Variants in SRD5A2 observed in about 807,000 individuals in gnomAD.
SRD5A2 encodes the protein steroid 5 alpha-reductase 2.
SRD5A2 carries 30 observed loss-of-function variants against 27.4 expected under a neutral mutation model. The ratio of observed to expected loss-of-function variants is 1.10; its 90% CI spans 0.82 to 1.49. SRD5A2 has a LOEUF of 1.49. Ranked by LOEUF, SRD5A2 falls within the 40% of genes most tolerant of loss-of-function variation. SRD5A2 has a pLI of 0.00. For synonymous variants in SRD5A2, 141 were observed against 133.6 expected, an observed-to-expected ratio of 1.06 and a Z score of -0.38; for missense variants, 348 against 323.4, an observed-to-expected ratio of 1.08 and a Z score of -0.58.
intron 1 of SRD5A2, among the ~76,000 whole-genome samples, chr2:31,554,924 CGTGTGTGT>C (rs59697517): frequency 0.03 from 3,910 of 132,176 alleles, 123 homozygotes; most frequent in East Asian, 0.17. Flanking sequence ...CTATCCTGAT[CGTGTGTGT>C]GTGTGTGTGT....
intron 1 of SRD5A2, among the ~76,000 whole-genome samples, chr2:31,560,355 C>T (rs1458677136): frequency 6.6e-6 from 1 of 151,410 alleles, no homozygotes; most frequent in African/African-American, 2.5e-5. Flanking sequence ...CTAAGGGTGT[C>T]TAGAGCTCCC....
At chr2:31,570,668 T>C (rs1666831937) in intron 1 of SRD5A2, among the ~76,000 whole-genome samples, 1 of 152,200 alleles carries the variant, frequency 6.6e-6, no homozygotes, top group South Asian at 2.1e-4. Context: ...GATAAACAAC[T>C]TCAGTAAAGT....
At chr2:31,556,142 G>A (rs757530436) in intron 1 of SRD5A2, among the ~76,000 whole-genome samples, 18 of 152,178 alleles carry the variant, frequency 1.2e-4, no homozygotes, top group Non-Finnish European at 1.6e-4. Context: ...GGTCCTTGCC[G>A]AGAAGTAACT....
the SRD5A2 span, among the ~76,000 whole-genome samples, chr2:31,603,551 C>T: frequency 3.3e-4 from 50 of 151,930 alleles, no homozygotes; most frequent in Non-Finnish European, 1.5e-5. Context: ...GGATATATAT[C>T]CAAAAGAATA....
chr2:31,618,587 T>C, the SRD5A2 span, among the ~76,000 whole-genome samples: 2,833 of 152,106 alleles, frequency 0.019, 57 homozygotes, highest in African/African-American at 0.04. Context: ...GAAAGACATA[T>C]ACTACATGAT....
the SRD5A2 span, among the ~76,000 whole-genome samples, chr2:31,641,337 T>C: frequency 6.6e-6 from 1 of 152,194 alleles, no homozygotes; most frequent in Admixed American, 6.5e-5. Context: ...TGGAGTGACA[T>C]CTTTAAAGTA....
chr2:31,638,639 C>T, the SRD5A2 span, among the ~76,000 whole-genome samples: 3 of 151,918 alleles, frequency 2.0e-5, no homozygotes, highest in Non-Finnish European at 4.4e-5. Context: ...ATTGTTATAT[C>T]CTCTTGCTGT....
At chr2:31,610,683 GA>G in the SRD5A2 span, among the ~76,000 whole-genome samples, 1 of 152,066 alleles carries the variant, frequency 6.6e-6, no homozygotes, top group Non-Finnish European at 1.5e-5. Context: ...CACAGAAAAA[GA>G]AAAAGTAAAA....
upstream of SRD5A2, among the ~76,000 whole-genome samples, chr2:31,585,866 C>G (rs542121114): frequency 1.3e-5 from 2 of 152,190 alleles, no homozygotes; most frequent in South Asian, 4.2e-4. Context: ...GCAGTCACCA[C>G]CAGCTGACTT....
chr2:31,607,197 C>T, the SRD5A2 span, among the ~76,000 whole-genome samples: 30 of 151,942 alleles, frequency 2.0e-4, no homozygotes, highest in Middle Eastern at 6.8e-3. Flanking sequence ...GCTGTAATTA[C>T]TAAAAGGAGA....
the SRD5A2 span, among the ~76,000 whole-genome samples, chr2:31,631,071 C>T: frequency 0.014 from 2,128 of 152,254 alleles, 24 homozygotes; most frequent in Non-Finnish European, 0.021. Flanking sequence ...AGACTTTATC[C>T]CAATCCTGAC....
the SRD5A2 span, among the ~76,000 whole-genome samples, chr2:31,602,582 A>C: frequency 6.6e-5 from 10 of 152,228 alleles, no homozygotes; most frequent in East Asian, 1.9e-3. Flanking sequence ...GGAACCAAAA[A>C]AGAGCCTGAG....
the SRD5A2 span, among the ~76,000 whole-genome samples, chr2:31,591,723 G>A: frequency 7.4e-6 from 1 of 135,618 alleles, no homozygotes; most frequent in Non-Finnish European, 1.6e-5. Context: ...TCAAGAAAAT[G>A]CGGCACATAT....
rs1665705701 is a variant in SRD5A2 at position 31,523,576 on chromosome 2, GA to G, written c.*2619del. 2 of 218,442 alleles carry G rather than the reference GA, an allele frequency of 9.2e-6. No homozygotes were observed. Among genetic ancestry groups the G allele is most frequent in the Non-Finnish European group, 9.2e-6 (1 of 108,642 alleles). The allele number at this position is 218,442 out of a possible 1,614,324, so 13.5% of individuals were successfully genotyped here. A position where few individuals can be genotyped will look rare whatever the true frequency, so the allele number is the denominator to read the frequency against. Reference sequence around the variant, plus strand: ...CTTCAGCTCTTTAAGTCTAAATTCTGAAAAACAAACAAAACTCAACATTTTC... The same window carrying G: ...CTTCAGCTCTTTAAGTCTAAATTCTGAAAACAAACAAAACTCAACATTTTC... On this transcript the variant is annotated 3_prime_UTR_variant, in exon 5 of 5. Transcript: ENST00000622030.
chr2:31,661,745 C>T, the SRD5A2 span, among the ~76,000 whole-genome samples: 1 of 152,090 alleles, frequency 6.6e-6, no homozygotes, highest in Non-Finnish European at 1.5e-5. Flanking sequence ...TCTACCAAGA[C>T]TTCTTCAACT....
intron 1 of SRD5A2, among the ~76,000 whole-genome samples, chr2:31,551,052 A>C (rs1211152011): frequency 6.6e-6 from 1 of 152,080 alleles, no homozygotes; most frequent in African/African-American, 2.4e-5. Flanking sequence ...TTAAATTTCT[A>C]TTTGCTACTA....
Position 31,524,779 on chromosome 2 carries a change from A to G in SRD5A2, c.*1417T>C. 4.4e-6 allele frequency: 1 copy of G among 229,192 alleles called. No homozygotes were observed. Among genetic ancestry groups the G allele is most frequent in the Non-Finnish European group, 8.7e-6 (1 of 115,458 alleles). 14.2% of individuals were successfully genotyped at this position (229,192 alleles called of 1,614,324 possible). ...TAAATATTGACAATGCATTCCGCAA[A>G]CATAGGCCTGAGAAGACAAATATTT... On this transcript the variant is annotated 3_prime_UTR_variant, in exon 5 of 5. Coordinates refer to ENST00000622030, the MANE Select transcript of SRD5A2 (RefSeq NM_000348.4).
the SRD5A2 span, among the ~76,000 whole-genome samples, chr2:31,641,474 G>A: frequency 6.6e-6 from 1 of 152,060 alleles, no homozygotes; most frequent in Admixed American, 6.5e-5. Context: ...TACATTACAA[G>A]AAATAGTAAA....
At chr2:31,589,724 G>A in the SRD5A2 span, among the ~76,000 whole-genome samples, 1 of 152,106 alleles carries the variant, frequency 6.6e-6, no homozygotes, top group African/African-American at 2.4e-5. Flanking sequence ...GGCTGAGTAC[G>A]AATTTTCCTG....
Sources: gnomAD v4.1 joint callset for allele counts (sites outside exome capture counted in the v4.1 genomes callset) on GRCh38, gnomAD v4.1.1 for gene constraint, MANE v1.5 for transcripts, NCBI Gene and HGNC (gene_info 2026-07-23, HGNC 2026-07-21) for gene names.